The following FYTTD1 variants were observed in gnomAD, a reference collection of about 807,000 sequenced individuals.
FYTTD1 encodes the protein forty-two-three domain containing 1.
A neutral mutation model predicts 40.9 loss-of-function variants in FYTTD1; 22 were observed. The ratio of observed to expected loss-of-function variants is 0.54; its 90% CI spans 0.38 to 0.77. The LOEUF (loss-of-function observed/expected upper bound fraction) is 0.77. Ranked by LOEUF, FYTTD1 falls within the 30% of genes least tolerant of loss-of-function variation. FYTTD1 has a pLI of 0.00. For synonymous variants in FYTTD1, 140 were observed against 137.9 expected (o/e 1.01, Z -0.10); for missense variants, 351 against 392.2 (o/e 0.90, Z 0.89).
At chr3:197,761,155 ATAG>A (rs1285664302) in intron 2 of FYTTD1, among the ~76,000 whole-genome samples, 2 of 142,098 alleles carry the variant, frequency 1.4e-5, no homozygotes, top group African/African-American at 5.3e-5. Context: ...TTGTTCTTCA[ATAG>A]TAGGATGTAT....
chr3:197,752,974 A>G (rs1486681345), intron 1 of FYTTD1, among the ~76,000 whole-genome samples: 10 of 151,994 alleles, frequency 6.6e-5, no homozygotes, highest in Non-Finnish European at 1.3e-4. Context: ...GTTTTGTTTG[A>G]TGATTAGTAC....
At chr3:197,755,130 C>A (rs527513305) in intron 1 of FYTTD1, among the ~76,000 whole-genome samples, 3 of 152,118 alleles carry the variant, frequency 2.0e-5, no homozygotes, top group Non-Finnish European at 4.4e-5. Context: ...AGGCTTAGAT[C>A]AGTGTAGAAA....
chr3:197,771,147 G>A (rs1729704155), intron 4 of FYTTD1, among the ~76,000 whole-genome samples: 1 of 152,106 alleles, frequency 6.6e-6, no homozygotes, highest in African/African-American at 2.4e-5. Flanking sequence ...ATGAGCCCAG[G>A]ATTCAGGGCT....
intron 2 of FYTTD1, among the ~76,000 whole-genome samples, chr3:197,766,431 G>GTGTGTGTGTGTGTGTGTGTGTT (rs1729550416): frequency 2.1e-4 from 1 of 4,876 alleles, no homozygotes; most frequent in African/African-American, 1.5e-3. Flanking sequence ...TTTGAGACTG[G>GTGTGTGTGTGTGTGTGTGTGTT]TGTGTGTGTG....
At chr3:197,766,302 C>T (rs530265696) in intron 2 of FYTTD1, among the ~76,000 whole-genome samples, 4 of 151,822 alleles carry the variant, frequency 2.6e-5, no homozygotes, top group Admixed American at 1.3e-4. Flanking sequence ...ATAATTAGAA[C>T]TAACTGAAAT....
rs564656404 is a variant in FYTTD1, at chr3:197,762,015, G to T, written c.235+5458G>T. On this transcript the variant is annotated intron_variant, in intron 2 of 8. Coordinates refer to ENST00000241502, the MANE Select transcript of FYTTD1 (RefSeq NM_032288.7). Reference sequence around the variant, plus strand: ...GGACTTCTTTTGATGTCCTTGTGTGGCAGAAAGAAGGCTAGAGAGCTCTCC... The same window carrying T: ...GGACTTCTTTTGATGTCCTTGTGTGTCAGAAAGAAGGCTAGAGAGCTCTCC... Among the ~76,000 whole-genome samples the T allele has an allele frequency of 2.0e-5, 3 of 152,274 alleles. No homozygotes were observed. In the South Asian group the frequency reaches 6.2e-4, roughly 32 times the overall value.
At position 197,768,502 on chromosome 3, in the gene FYTTD1, G is replaced by A; in HGVS notation, c.299G>A (p.Gly100Glu). Residue 100 changes from glycine (G) to glutamate (E), a missense_variant, in exon 3 of 9, where the codon GGA becomes GAA. Gly to Glu is a moderately conservative substitution (Grantham distance 98). Coordinates refer to ENST00000241502, the MANE Select transcript of FYTTD1 (RefSeq NM_032288.7). ...RVMPGKRRPN[G>E]VITGLAARKT... The stretch of plus-strand genomic sequence containing the variant: ...ATGCCTGGAAAGAGACGTCCTAATG[G>A]AGTTATCACTGGCCTTGCAGCTAGG... The A allele has an allele frequency of 6.2e-7, 1 of 1,613,002 alleles. No homozygotes were observed. Among genetic ancestry groups the A allele is most frequent in the South Asian group, 1.1e-5 (1 of 91,010 alleles).
In FYTTD1 at chr3:197,774,192, T is replaced by C; in HGVS notation, c.638T>C (p.Val213Ala). 6.2e-7 allele frequency: 1 copy of C among 1,614,056 alleles called. No homozygotes were observed. Among genetic ancestry groups the C allele is most frequent in the Admixed American group, 1.7e-5 (1 of 60,022 alleles). Residue 213 changes from valine to alanine, a missense_variant, in exon 6 of 9, where the codon GTA (valine) becomes GCA (alanine). By Grantham distance (64) the Val-to-Ala change is moderately conservative (BLOSUM62 0). Coordinates refer to ENST00000241502, the MANE Select transcript of FYTTD1 (RefSeq NM_032288.7). Reference protein sequence around the residue: ...LNTEQLLDDVVAKRTRQWRTS... With the variant: ...LNTEQLLDDVAAKRTRQWRTS... ...ACAGAACAACTGCTAGACGATGTAGTAGCAAAGAGAACTCGTCAGTAAGTT... is the reference window on the plus strand; with the variant it reads ...ACAGAACAACTGCTAGACGATGTAGCAGCAAAGAGAACTCGTCAGTAAGTT...
chr3:197,766,603 T>A (rs7371948), intron 2 of FYTTD1, among the ~76,000 whole-genome samples: 1 of 151,766 alleles, frequency 6.6e-6, no homozygotes, highest in Admixed American at 6.6e-5. Context: ...CCACTGCACC[T>A]GGCTAATTTT....
At chr3:197,761,363 A>G (rs1040347468) in intron 2 of FYTTD1, among the ~76,000 whole-genome samples, 1 of 151,618 alleles carries the variant, frequency 6.6e-6, no homozygotes, top group Non-Finnish European at 1.5e-5. Flanking sequence ...TAGAATGTAT[A>G]GAATTGTTCT....
chr3:197,777,881 A>AT (rs906852382), intron 7 of FYTTD1, among the ~76,000 whole-genome samples: 96 of 149,722 alleles, frequency 6.4e-4, no homozygotes, highest in African/African-American at 2.2e-3. Context: ...CACCCAGCTA[A>AT]TTTTTTTTTT....
chr3:197,753,453 T>TA (rs1729123517), intron 1 of FYTTD1, among the ~76,000 whole-genome samples: 1 of 152,208 alleles, frequency 6.6e-6, no homozygotes, highest in Non-Finnish European at 1.5e-5. Context: ...CCACTGCTGC[T>TA]ACTGCTGCTA....
chr3:197,750,305 AG>A, intron 1 of FYTTD1: 1 of 1,071,894 alleles, frequency 9.3e-7, no homozygotes, highest in Non-Finnish European at 1.2e-6. Context: ...CAGTCGGAGG[AG>A]GGGCTGTGGA....
At chr3:197,771,244 C>G (rs1376880683) in intron 4 of FYTTD1, among the ~76,000 whole-genome samples, 1 of 152,170 alleles carries the variant, frequency 6.6e-6, no homozygotes, top group African/African-American at 2.4e-5. Context: ...ATTCTGTTCT[C>G]TGTAAGGACA....
intron 7 of FYTTD1, 141 bp from the exon 8 acceptor site, chr3:197,778,197 C>A: frequency 1.9e-6 from 1 of 533,902 alleles, no homozygotes. Context: ...CTAGAGTAGC[C>A]AGTGAAACTT....
In FYTTD1 at chr3:197,786,700, A is replaced by G. The variant is rs1029385212; in HGVS notation, c.*4791A>G. On this transcript the variant is annotated 3_prime_UTR_variant, in exon 9 of 9. Coordinates refer to ENST00000241502, the MANE Select transcript of FYTTD1 (RefSeq NM_032288.7). ...GGAGTAAGCAATGGAAGGATCAAAC[A>G]TTTATTAAATATATTCAGCAAATAT... The G allele has an allele frequency of 6.6e-6, 1 of 152,246 alleles. No individual in the cohort carries two copies. Among genetic ancestry groups the G allele is most frequent in the African/African-American group, 2.4e-5 (1 of 41,460 alleles). 9.4% of individuals were successfully genotyped at this position (152,246 alleles called of 1,614,324 possible).
chr3:197,758,507 A>G (rs368709433), intron 2 of FYTTD1, among the ~76,000 whole-genome samples: 7 of 152,228 alleles, frequency 4.6e-5, no homozygotes, highest in Non-Finnish European at 7.3e-5. Context: ...TTCAAATAGT[A>G]TTATAGGACT....
intron 2 of FYTTD1, among the ~76,000 whole-genome samples, chr3:197,757,588 A>G (rs1447874437): frequency 6.6e-6 from 1 of 152,210 alleles, no homozygotes; most frequent in Admixed American, 6.5e-5. Flanking sequence ...CAGCTTGGGC[A>G]ACACAGGGAG....
At chr3:197,776,365 C>G (rs564826119) in intron 6 of FYTTD1, among the ~76,000 whole-genome samples, 85 of 151,280 alleles carry the variant, frequency 5.6e-4, no homozygotes, top group African/African-American at 2.0e-3. Flanking sequence ...CCACCACACC[C>G]CACGCCCAGC....
Sources: allele counts gnomAD v4.1 joint callset (sites outside exome capture counted in the v4.1 genomes callset), GRCh38; gene constraint gnomAD v4.1.1; transcripts MANE v1.5; gene names NCBI Gene and HGNC (gene_info 2026-07-23, HGNC 2026-07-21).